Variants in ARPP19 observed in about 807,000 individuals in gnomAD.
The protein encoded by ARPP19 is cAMP regulated phosphoprotein 19.
A neutral mutation model predicts 12.0 loss-of-function variants in ARPP19; 8 were observed. The ratio of observed to expected loss-of-function variants is 0.67; its 90% CI spans 0.39 to 1.21. The LOEUF (loss-of-function observed/expected upper bound fraction) is 1.21, where lower values mean the gene tolerates loss of function less well. ARPP19 is among the 50% of genes most tolerant of loss of function. The pLI, the probability that ARPP19 is intolerant of heterozygous loss-of-function variation, is 0.01. For synonymous variants in ARPP19, 47 were observed against 50.4 expected, an observed-to-expected ratio of 0.93 and a Z score of 0.29; for missense variants, 102 against 136.3, an observed-to-expected ratio of 0.75 and a Z score of 1.25.
rs1380954809 is a variant in ARPP19, at chr15:52,549,420, T to C, written c.*2514A>G. 1 of 152,500 alleles carries C rather than the reference T, an allele frequency of 6.6e-6. No homozygotes were observed. Among genetic ancestry groups the C allele is most frequent in the Non-Finnish European group, 1.5e-5 (1 of 68,008 alleles). The allele number at this position is 152,500 out of a possible 1,614,324, so 9.4% of individuals were successfully genotyped here. A position where few individuals can be genotyped will look rare whatever the true frequency, so the allele number is the denominator to read the frequency against. ...AGCACCAATAATGGAGGCTAAGCAATTATACCTACAAATCCTTAACGACAG... is the reference window on the plus strand; with the variant it reads ...AGCACCAATAATGGAGGCTAAGCAACTATACCTACAAATCCTTAACGACAG... On this transcript the variant is annotated 3_prime_UTR_variant, in exon 3 of 3. Coordinates refer to ENST00000249822, the MANE Select transcript of ARPP19 (RefSeq NM_006628.6).
intron 1 of ARPP19, among the ~76,000 whole-genome samples, chr15:52,558,470 G>GAAAAAAAAAAA (rs143549178): frequency 4.7e-5 from 3 of 63,886 alleles, no homozygotes; most frequent in Non-Finnish European, 3.4e-5. Context: ...AAACAAAACA[G>GAAAAAAAAAAA]AAAAAAAAAA....
At position 52,550,740 on chromosome 15, in the gene ARPP19, T is replaced by C. The variant is rs2077922470; in HGVS notation, c.*1194A>G. On this transcript the variant is annotated 3_prime_UTR_variant, in exon 3 of 3. Transcript: ENST00000249822. ...ATATACAACAAACAGCTCAATACCA[T>C]TTGAGTCAAAGAACAAAGGGGAAAA... 6.6e-6 allele frequency: 1 copy of C among 152,512 alleles called. No individual in the cohort carries two copies. The highest frequency in any genetic ancestry group is 1.5e-5 in the Non-Finnish European group (1 of 68,042). 9.4% of individuals were successfully genotyped at this position (152,512 alleles called of 1,614,324 possible).
intron 1 of ARPP19, among the ~76,000 whole-genome samples, chr15:52,564,416 A>G (rs2078063202): frequency 1.3e-5 from 2 of 152,226 alleles, no homozygotes; most frequent in African/African-American, 2.4e-5. Context: ...TGTCTCAAAC[A>G]TAACAAAAAC....
At position 52,551,579 on chromosome 15, in the gene ARPP19, TAA is replaced by T. The variant is rs2077931690; in HGVS notation, c.*353_*354del. 1.2e-5 allele frequency: 2 copies of T among 168,840 alleles called. No individual in the cohort carries two copies. Among genetic ancestry groups the T allele is most frequent in the South Asian group, 3.2e-4 (2 of 6,234 alleles). The allele number at this position is 168,840 out of a possible 1,614,324, so 10.5% of individuals were successfully genotyped here. ...TCAATACAATAGAGATTATATTAAA[TAA>T]GAGTAACATACAAAGCTATAATTAA... On this transcript the variant is annotated 3_prime_UTR_variant, in exon 3 of 3. Transcript: ENST00000249822.
chr15:52,563,414 T>C (rs2078053270), intron 1 of ARPP19, among the ~76,000 whole-genome samples: 1 of 152,148 alleles, frequency 6.6e-6, no homozygotes, highest in Non-Finnish European at 1.5e-5. Flanking sequence ...TACACACAGA[T>C]ACATGTATAC....
chr15:52,556,193 C>T (rs947066708), intron 2 of ARPP19, among the ~76,000 whole-genome samples: 3 of 151,932 alleles, frequency 2.0e-5, no homozygotes, highest in Non-Finnish European at 2.9e-5. Flanking sequence ...CACACACAGA[C>T]GTGTTTTAAG....
intron 2 of ARPP19, among the ~76,000 whole-genome samples, chr15:52,552,324 C>T (rs915703254): frequency 1.3e-5 from 2 of 152,088 alleles, no homozygotes; most frequent in African/African-American, 2.4e-5. Flanking sequence ...AATCCCAACA[C>T]TTTGGGAGGC....
At position 52,557,362 on chromosome 15, in the gene ARPP19, C is replaced by A; in HGVS notation, c.46-140G>T. On this transcript the variant is annotated intron_variant, in intron 1 of 2. Coordinates refer to ENST00000249822, the MANE Select transcript of ARPP19 (RefSeq NM_006628.6). Reference sequence around the variant, plus strand: ...CTGACTAAGAAATCAAACCCAGAAGCCTTTAAAACATCTCTATCTTGTTTT... The same window carrying A: ...CTGACTAAGAAATCAAACCCAGAAGACTTTAAAACATCTCTATCTTGTTTT... The A allele has an allele frequency of 4.5e-6, 3 of 664,092 alleles. No homozygotes were observed. In the South Asian group the frequency reaches 6.0e-5, roughly 13 times the overall value. The allele number at this position is 664,092 out of a possible 1,614,324, so 41.1% of individuals were successfully genotyped here.
chr15:52,568,075 T>C (rs1724610), intron 1 of ARPP19, among the ~76,000 whole-genome samples: 148,019 of 152,332 alleles, frequency 0.97, 72,030 homozygotes, highest in Middle Eastern at 1. Flanking sequence ...TATTCATAAT[T>C]TGAACCACAG....
At chr15:52,560,172 A>ATTTTCT (rs934073760) in intron 1 of ARPP19, among the ~76,000 whole-genome samples, 1 of 150,350 alleles carries the variant, frequency 6.7e-6, no homozygotes, top group African/African-American at 2.5e-5. Context: ...GCATTCCCTT[A>ATTTTCT]TTTTCTTTTT....
At chr15:52,567,566 A>G (rs1270766201) in intron 1 of ARPP19, among the ~76,000 whole-genome samples, 1 of 152,212 alleles carries the variant, frequency 6.6e-6, no homozygotes, top group Non-Finnish European at 1.5e-5. Flanking sequence ...GTGATACTTA[A>G]TAATACTGTT....
Position 52,549,129 on chromosome 15 carries a change from A to G in ARPP19, c.*2805T>C, listed in dbSNP as rs1219646164. 1 of 152,262 alleles carries G rather than the reference A, an allele frequency of 6.6e-6. No homozygotes were observed. The highest frequency in any genetic ancestry group is 1.5e-5 in the Non-Finnish European group (1 of 68,038). The allele number at this position is 152,262 out of a possible 1,614,324, so 9.4% of individuals were successfully genotyped here. ...ATCAAATGTAGTAGCTATTGGACAT[A>G]AAACAAGTAATTTATTTCAGACTTT... On this transcript the variant is annotated 3_prime_UTR_variant, in exon 3 of 3. Transcript: ENST00000249822.
chr15:52,565,815 T>C (rs779374210), intron 1 of ARPP19, among the ~76,000 whole-genome samples: 5 of 152,214 alleles, frequency 3.3e-5, no homozygotes, highest in Admixed American at 6.5e-5. Context: ...CAATCAAAAA[T>C]TTAGACTGGC....
intron 1 of ARPP19, among the ~76,000 whole-genome samples, chr15:52,561,136 C>T (rs993311832): frequency 6.6e-5 from 10 of 152,214 alleles, no homozygotes; most frequent in African/African-American, 1.9e-4. Flanking sequence ...GATTTATCCA[C>T]AGTCATGTTC....
At chr15:52,561,861 C>CT (rs2078035783) in intron 1 of ARPP19, among the ~76,000 whole-genome samples, 1 of 149,466 alleles carries the variant, frequency 6.7e-6, no homozygotes, top group East Asian at 1.9e-4. Context: ...AGTAAAAAGA[C>CT]TGAGGGTGGG....
chr15:52,569,092 C>G (rs534766188), upstream of ARPP19: 1 of 558,358 alleles, frequency 1.8e-6, no homozygotes, highest in African/African-American at 2.0e-5. Context: ...CCGCCTGCCC[C>G]TCCCGCACCG....
chr15:52,564,055 A>G lies in ARPP19; in HGVS notation c.45+4793T>C, dbSNP rs2078059380. The stretch of plus-strand genomic sequence containing the variant: ...GCTCATCTTTAATATTTTATGTTAT[A>G]GTAAACACAGCTTCTGGATTAGAAG... On this transcript the variant is annotated intron_variant, in intron 1 of 2. Coordinates refer to ENST00000249822, the MANE Select transcript of ARPP19 (RefSeq NM_006628.6). 8.2e-6 allele frequency: 5 copies of G among 609,082 alleles called. No individual in the cohort carries two copies. The South Asian group carries it at 1.1e-4, about 14-fold the overall frequency. 37.7% of individuals were successfully genotyped at this position (609,082 alleles called of 1,614,324 possible).
chr15:52,553,985 G>A (rs2077959468), intron 2 of ARPP19, among the ~76,000 whole-genome samples: 1 of 152,232 alleles, frequency 6.6e-6, no homozygotes. Context: ...GCTTTCTGCA[G>A]CTTCACTTCT....
chr15:52,555,456 C>T (rs943595529), intron 2 of ARPP19, among the ~76,000 whole-genome samples: 1 of 151,818 alleles, frequency 6.6e-6, no homozygotes, highest in African/African-American at 2.4e-5. Context: ...TCTATTTATC[C>T]CCTATATTAT....
Sources: allele counts gnomAD v4.1 joint callset (sites outside exome capture counted in the v4.1 genomes callset), GRCh38; gene constraint gnomAD v4.1.1; transcripts MANE v1.5; gene names NCBI Gene and HGNC (gene_info 2026-07-23, HGNC 2026-07-21).